Variants in EYA1 observed in about 807,000 individuals in gnomAD.
The protein encoded by EYA1 is protein phosphatase EYA1.
EYA1 carries 16 observed loss-of-function variants against 82.0 expected under a neutral mutation model. The observed-to-expected ratio is 0.20, with a 90% CI of 0.13 to 0.30. The LOEUF (loss-of-function observed/expected upper bound fraction) is 0.30. EYA1 is among the 10% of genes least tolerant of loss of function. EYA1 has a pLI of 1.00. For missense variants in EYA1, 633 were observed against 730.7 expected, an observed-to-expected ratio of 0.87 and a Z score of 1.54; for synonymous variants, 261 against 264.4, an observed-to-expected ratio of 0.99 and a Z score of 0.12.
chr8:71,270,568 T>C (rs577245591), intron 10 of EYA1, among the ~76,000 whole-genome samples: 3 of 152,322 alleles, frequency 2.0e-5, no homozygotes, highest in African/African-American at 4.8e-5. Context: ...CATATTCATA[T>C]ACATAGATTC....
chr8:71,401,528 G>A (rs1829957232), intron 2 of EYA1, among the ~76,000 whole-genome samples: 1 of 152,154 alleles, frequency 6.6e-6, no homozygotes, highest in Non-Finnish European at 1.5e-5. Flanking sequence ...ATTAGCATAT[G>A]CATATTAGCA....
intron 2 of EYA1, among the ~76,000 whole-genome samples, chr8:71,452,289 A>T (rs1248346490): frequency 6.6e-6 from 1 of 152,216 alleles, no homozygotes; most frequent in East Asian, 1.9e-4. Flanking sequence ...AACTGGGTGG[A>T]GTCCACCACA....
intron 1 of EYA1, among the ~76,000 whole-genome samples, chr8:71,358,472 T>A (rs1349042044): frequency 2.0e-5 from 3 of 152,226 alleles, no homozygotes; most frequent in African/African-American, 7.2e-5. Flanking sequence ...TGTGTGTTAC[T>A]GTATTTAAAA....
At chr8:71,345,590 C>T (rs1825607694) in intron 3 of EYA1, among the ~76,000 whole-genome samples, 1 of 151,894 alleles carries the variant, frequency 6.6e-6, no homozygotes, top group Non-Finnish European at 1.5e-5. Context: ...TAGGTAAGTC[C>T]GACTACAAAA....
intron 4 of EYA1, among the ~76,000 whole-genome samples, chr8:71,325,578 G>A (rs758080760): frequency 2.6e-5 from 4 of 152,246 alleles, no homozygotes; most frequent in East Asian, 1.9e-4. Context: ...CCACAATAAC[G>A]TGAAGAATGG....
chr8:71,535,833 T>C (rs1814670041), exon 2 of EYA1: 13 of 1,172,444 alleles, frequency 1.1e-5, no homozygotes, highest in Non-Finnish European at 1.3e-5. Context: ...TTCAAAGGGT[T>C]CCAACACCCC....
chr8:71,311,961 A>G (rs767867376), intron 7 of EYA1, among the ~76,000 whole-genome samples: 3 of 152,220 alleles, frequency 2.0e-5, no homozygotes, highest in Non-Finnish European at 4.4e-5. Context: ...TTGGAGCTGA[A>G]AGGGTGATTC....
chr8:71,434,687 G>A (rs1012291352), intron 2 of EYA1, among the ~76,000 whole-genome samples: 2 of 152,224 alleles, frequency 1.3e-5, no homozygotes. Context: ...AATGTGAATT[G>A]TTTATTGATA....
At position 71,198,800 on chromosome 8, in the gene EYA1, G is replaced by C. The variant is rs1806566190; in HGVS notation, c.*540C>G. On this transcript the variant is annotated 3_prime_UTR_variant, in exon 18 of 18. Coordinates refer to ENST00000340726, the MANE Select transcript of EYA1 (RefSeq NM_000503.6). The stretch of plus-strand genomic sequence containing the variant: ...ATTATTTGATGTTTAAAAAAGTCTG[G>C]TGGGTGAATTATACCTCAATAAAGC... The C allele has an allele frequency of 6.3e-6, 1 of 159,936 alleles. No homozygotes were observed. The highest frequency in any genetic ancestry group is 1.8e-4 in the South Asian group (1 of 5,680). 9.9% of individuals were successfully genotyped at this position (159,936 alleles called of 1,614,324 possible).
chr8:71,224,932 G>A (rs1810378086), intron 12 of EYA1, among the ~76,000 whole-genome samples: 1 of 152,234 alleles, frequency 6.6e-6, no homozygotes. Context: ...GTTCTACAGA[G>A]GGAGAGGAGT....
At chr8:71,283,751 T>A (rs1293842547) in intron 9 of EYA1, among the ~76,000 whole-genome samples, 1 of 152,116 alleles carries the variant, frequency 6.6e-6, no homozygotes, top group African/African-American at 2.4e-5. Flanking sequence ...TGGTCTCAAC[T>A]GATTGAAACA....
rs1483756971 is a variant in EYA1 at position 71,404,480 on chromosome 8, T to C, written c.34-47969A>G. ...TATTCACATATGCAAATATGGCAAA[T>C]ATATTTTTACTGAATTGTGATGAAA... On this transcript the variant is annotated intron_variant, in intron 2 of 18. Transcript: ENST00000643681. The C allele has an allele frequency of 5.9e-5, 9 of 152,226 alleles. No individual in the cohort carries two copies. The East Asian group carries it at 1.3e-3, about 23-fold the overall frequency. 9.4% of individuals were successfully genotyped at this position (152,226 alleles called of 1,614,324 possible).
intron 2 of EYA1, among the ~76,000 whole-genome samples, chr8:71,482,363 G>A (rs898281694): frequency 2.6e-5 from 4 of 152,194 alleles, no homozygotes; most frequent in African/African-American, 9.6e-5. Context: ...CATCTACTAG[G>A]ATAGTTAAAG....
intron 9 of EYA1, among the ~76,000 whole-genome samples, chr8:71,272,684 G>T (rs11991565): frequency 1.3e-5 from 2 of 152,266 alleles, no homozygotes; most frequent in Admixed American, 6.5e-5. Flanking sequence ...CTTATCTTGT[G>T]TTCAGACTGA....
chr8:71,307,612 G>A (rs1236744972), intron 7 of EYA1, among the ~76,000 whole-genome samples: 1 of 152,124 alleles, frequency 6.6e-6, no homozygotes, highest in African/African-American at 2.4e-5. Flanking sequence ...AAATATTTTT[G>A]AATCTCCAGT....
At chr8:71,465,854 T>A (rs1808734068) in intron 2 of EYA1, among the ~76,000 whole-genome samples, 1 of 152,162 alleles carries the variant, frequency 6.6e-6, no homozygotes, top group African/African-American at 2.4e-5. Flanking sequence ...TTCACAAAGT[T>A]AAAAATAACT....
At chr8:71,257,952 A>G (rs1319214050) in intron 11 of EYA1, among the ~76,000 whole-genome samples, 1 of 151,458 alleles carries the variant, frequency 6.6e-6, no homozygotes, top group Non-Finnish European at 1.5e-5. Flanking sequence ...ATTACTGGCT[A>G]TTTCTTGCTA....
At chr8:71,417,564 T>C (rs1412409961) in intron 2 of EYA1, among the ~76,000 whole-genome samples, 1 of 152,212 alleles carries the variant, frequency 6.6e-6, no homozygotes, top group Non-Finnish European at 1.5e-5. Flanking sequence ...TTTGTAGTGA[T>C]TATGAATAAA....
At chr8:71,378,403 G>A (rs1828500736) in intron 2 of EYA1, among the ~76,000 whole-genome samples, 1 of 152,108 alleles carries the variant, frequency 6.6e-6, no homozygotes, top group East Asian at 1.9e-4. Flanking sequence ...TAAGAATGGT[G>A]ACCAAGCCTA....
Sources: allele counts gnomAD v4.1 joint callset (sites outside exome capture counted in the v4.1 genomes callset), GRCh38; gene constraint gnomAD v4.1.1; transcripts MANE v1.5; gene names NCBI Gene and HGNC (gene_info 2026-07-23, HGNC 2026-07-21).